The following ELP4 variants were observed in gnomAD, a reference collection of about 807,000 sequenced individuals.
ELP4 encodes elongator complex protein 4.
ELP4 carries 51 observed loss-of-function variants against 48.9 expected under a neutral mutation model. That is an observed-to-expected ratio of 1.04 (90% CI 0.83 to 1.32). The LOEUF is 1.32. Ranked by LOEUF, ELP4 falls within the 40% of genes most tolerant of loss-of-function variation. The probability of loss-of-function intolerance (pLI) is 0.00; values close to 1 mark genes in which losing one functional copy is unlikely to be tolerated. For synonymous variants in ELP4, 210 were observed against 189.2 expected, an observed-to-expected ratio of 1.11 and a Z score of -0.90; for missense variants, 519 against 514.6, an observed-to-expected ratio of 1.01 and a Z score of -0.08.
intron 3 of ELP4, among the ~76,000 whole-genome samples, chr11:31,585,753 A>C (rs982791982): frequency 6.6e-6 from 1 of 152,230 alleles, no homozygotes; most frequent in African/African-American, 2.4e-5. Context: ...TAGCAGCAGT[A>C]ACAGGCTTAT....
chr11:31,724,402 T>A (rs926080225), intron 9 of ELP4, among the ~76,000 whole-genome samples: 1 of 152,242 alleles, frequency 6.6e-6, no homozygotes, highest in African/African-American at 2.4e-5. Flanking sequence ...CTGTTTTAAT[T>A]GAAATGCTGT....
rs796207820 is a variant in ELP4 at position 31,533,187 on chromosome 11, C to G, written c.260-6475C>G. On this transcript the variant is annotated intron_variant, in intron 2 of 9. Transcript: ENST00000640961. ...CCAATAGGTAGTTTTTAAACCTTTA[C>G]CCCCTTACCACTCTTCCACCTTTTG... Among the ~76,000 whole-genome samples, 3 of 152,124 alleles carry G rather than the reference C, an allele frequency of 2.0e-5. No individual in the cohort carries two copies. In the South Asian group the frequency reaches 6.2e-4, roughly 32 times the overall value.
At chr11:31,552,990 T>A (rs1236611405) in intron 3 of ELP4, among the ~76,000 whole-genome samples, 1 of 152,178 alleles carries the variant, frequency 6.6e-6, no homozygotes, top group African/African-American at 2.4e-5. Context: ...TCTCAGACTT[T>A]GCTCAAATGT....
At chr11:31,759,656 G>A (rs1263733381) in intron 9 of ELP4, among the ~76,000 whole-genome samples, 1 of 151,512 alleles carries the variant, frequency 6.6e-6, no homozygotes, top group Admixed American at 6.6e-5. Context: ...TGTTTTTCAT[G>A]TAATATGCCC....
At chr11:31,753,613 A>G (rs1947772631) in intron 9 of ELP4, among the ~76,000 whole-genome samples, 2 of 152,200 alleles carry the variant, frequency 1.3e-5, no homozygotes. Context: ...ATGTTTTTTG[A>G]CCAGGAAATT....
intron 3 of ELP4, among the ~76,000 whole-genome samples, chr11:31,564,532 T>A (rs1957073875): frequency 6.6e-6 from 1 of 152,058 alleles, no homozygotes; most frequent in Admixed American, 6.6e-5. Flanking sequence ...CTTCCCCTCC[T>A]GCTACCCCAG....
At chr11:31,533,203 C>G (rs1462565326) in intron 2 of ELP4, among the ~76,000 whole-genome samples, 1 of 152,072 alleles carries the variant, frequency 6.6e-6, no homozygotes, top group Non-Finnish European at 1.5e-5. Context: ...TACCACTCTT[C>G]CACCTTTTGT....
intron 7 of ELP4, among the ~76,000 whole-genome samples, chr11:31,645,511 A>G (rs984656198): frequency 6.6e-6 from 1 of 151,806 alleles, no homozygotes. Flanking sequence ...TAAACCTTGC[A>G]ATTTCTGTTA....
chr11:31,626,744 A>G (rs1274575017), intron 5 of ELP4, among the ~76,000 whole-genome samples: 3 of 151,918 alleles, frequency 2.0e-5, no homozygotes. Context: ...GCAGTTCATT[A>G]ACTATGTGTT....
intron 4 of ELP4, among the ~76,000 whole-genome samples, chr11:31,597,018 G>A (rs976481686): frequency 2.0e-5 from 3 of 152,110 alleles, no homozygotes; most frequent in Admixed American, 1.3e-4. Flanking sequence ...TAGGATGGGG[G>A]AAGCTGATAC....
chr11:31,594,289 A>G (rs984210565), intron 3 of ELP4, among the ~76,000 whole-genome samples: 4 of 152,180 alleles, frequency 2.6e-5, no homozygotes, highest in African/African-American at 7.2e-5. Flanking sequence ...TGATGTAGGT[A>G]AAATAAATGT....
chr11:31,742,667 G>A (rs911648525), intron 9 of ELP4, among the ~76,000 whole-genome samples: 3 of 152,094 alleles, frequency 2.0e-5, no homozygotes, highest in Non-Finnish European at 4.4e-5. Flanking sequence ...ATAAGTGAAG[G>A]AGAAATAAAA....
intron 7 of ELP4, among the ~76,000 whole-genome samples, chr11:31,638,680 A>G (rs1246563621): frequency 6.6e-6 from 1 of 151,876 alleles, no homozygotes; most frequent in Non-Finnish European, 1.5e-5. Context: ...CTTTGAACCT[A>G]CTGAAGTGAA....
chr11:31,646,662 CTCT>C (rs1277303885), intron 7 of ELP4: 2 of 151,692 alleles, frequency 1.3e-5, no homozygotes, highest in African/African-American at 4.8e-5. Flanking sequence ...ATTTCCCATT[CTCT>C]TCTTCAAAGA....
At chr11:31,669,531 CAGA>C (rs924424821) in intron 9 of ELP4, among the ~76,000 whole-genome samples, 9 of 152,254 alleles carry the variant, frequency 5.9e-5, no homozygotes, top group African/African-American at 2.2e-4. Context: ...TCTGTGCTCC[CAGA>C]GTAACTCATA....
At chr11:31,579,980 A>T (rs1341221479) in intron 3 of ELP4, among the ~76,000 whole-genome samples, 3 of 152,054 alleles carry the variant, frequency 2.0e-5, no homozygotes, top group Non-Finnish European at 4.4e-5. Context: ...AAAAAAAGTC[A>T]TGTGCTTTTT....
intron 3 of ELP4, among the ~76,000 whole-genome samples, chr11:31,547,363 C>A (rs536816307): frequency 0.026 from 4,031 of 152,122 alleles, 169 homozygotes; most frequent in African/African-American, 0.092. Context: ...AACACCTCTA[C>A]GCAAATAAAC....
intron 3 of ELP4, among the ~76,000 whole-genome samples, chr11:31,542,072 A>G (rs1286758910): frequency 6.6e-6 from 1 of 152,248 alleles, no homozygotes; most frequent in Non-Finnish European, 1.5e-5. Context: ...TAGCTAAAAA[A>G]CAAAAAACAA....
chr11:31,655,606 G>A (rs898581150), intron 9 of ELP4, among the ~76,000 whole-genome samples: 2 of 151,876 alleles, frequency 1.3e-5, no homozygotes, highest in African/African-American at 4.8e-5. Flanking sequence ...GCTTAGGTCC[G>A]GTTGTTAATC....
Sources: allele counts gnomAD v4.1 joint callset (sites outside exome capture counted in the v4.1 genomes callset), GRCh38; gene constraint gnomAD v4.1.1; transcripts MANE v1.5; gene names NCBI Gene and HGNC (gene_info 2026-07-23, HGNC 2026-07-21).